Variants in RIMKLB observed in about 807,000 individuals in gnomAD.
RIMKLB encodes ribosomal modification protein rimK like family member B, also known as beta-citrylglutamate synthase B.
Under a neutral mutation model 32.0 loss-of-function variants are expected in RIMKLB, and 7 were observed. The observed-to-expected ratio is 0.22, with a 90% confidence interval of 0.12 to 0.41. The LOEUF is 0.41. RIMKLB is among the 10% of genes least tolerant of loss of function. The probability of loss-of-function intolerance (pLI) is 1.00; values close to 1 mark genes in which losing one functional copy is unlikely to be tolerated. For synonymous variants in RIMKLB, 172 were observed against 185.1 expected, an observed-to-expected ratio of 0.93 and a Z score of 0.57; for missense variants, 289 against 498.7, an observed-to-expected ratio of 0.58 and a Z score of 4.00.
intron 1 of RIMKLB, among the ~76,000 whole-genome samples, chr12:8,705,349 C>T (rs980652043): frequency 2.0e-5 from 3 of 151,820 alleles, no homozygotes; most frequent in Admixed American, 6.6e-5. Flanking sequence ...TGGTGGCACA[C>T]GCCTGTAGTC....
At chr12:8,722,706 T>C (rs1410617132) in intron 2 of RIMKLB, among the ~76,000 whole-genome samples, 2 of 152,222 alleles carry the variant, frequency 1.3e-5, no homozygotes, top group African/African-American at 4.8e-5. Flanking sequence ...GAAAATCCAT[T>C]GTATAGTGCG....
downstream of RIMKLB, among the ~76,000 whole-genome samples, chr12:8,778,590 C>T (rs1268239621): frequency 2.6e-5 from 4 of 152,164 alleles, no homozygotes; most frequent in Non-Finnish European, 5.9e-5. Flanking sequence ...GACTACAACT[C>T]GTCCATTTTA....
At chr12:8,671,869 G>T in the RIMKLB span, among the ~76,000 whole-genome samples, 1 of 152,074 alleles carries the variant, frequency 6.6e-6, no homozygotes, top group Non-Finnish European at 1.5e-5. Flanking sequence ...CTGAGATTGC[G>T]CCATTGCACT....
the RIMKLB span, among the ~76,000 whole-genome samples, chr12:8,674,663 C>T: frequency 4.6e-3 from 696 of 151,726 alleles, 1 homozygote; most frequent in Non-Finnish European, 5.8e-3. Context: ...AATTCTCCTG[C>T]CTGAGCCTCC....
chr12:8,709,058 C>T (rs1321144259), intron 1 of RIMKLB, among the ~76,000 whole-genome samples: 1 of 152,168 alleles, frequency 6.6e-6, no homozygotes. Flanking sequence ...CTCATCTATA[C>T]TATATGTGGA....
chr12:8,770,796 A>C (rs1950338582), intron 5 of RIMKLB, among the ~76,000 whole-genome samples: 1 of 152,124 alleles, frequency 6.6e-6, no homozygotes, highest in South Asian at 2.1e-4. Context: ...GAATATCCCC[A>C]ACTTCCCACC....
chr12:8,699,849 G>A (rs896274759), intron 1 of RIMKLB: 1 of 152,384 alleles, frequency 6.6e-6, no homozygotes, highest in African/African-American at 2.4e-5. Flanking sequence ...CCAAGAAGGG[G>A]AACAGCAAAT....
chr12:8,748,434 A>G (rs968936943), intron 2 of RIMKLB, among the ~76,000 whole-genome samples: 5 of 151,880 alleles, frequency 3.3e-5, no homozygotes, highest in African/African-American at 2.4e-5. Context: ...AACAGTATAT[A>G]TAGTTCTTAC....
chr12:8,733,232 C>G (rs1001016487), intron 2 of RIMKLB, among the ~76,000 whole-genome samples: 6 of 149,974 alleles, frequency 4.0e-5, no homozygotes, highest in African/African-American at 1.5e-4. Context: ...AAGAATTATT[C>G]TGTTCAGAAA....
At chr12:8,756,616 GA>G (rs1412413961) in intron 5 of RIMKLB, among the ~76,000 whole-genome samples, 4 of 149,568 alleles carry the variant, frequency 2.7e-5, no homozygotes, top group Non-Finnish European at 5.9e-5. Flanking sequence ...GGCTTATTCA[GA>G]ATACATGATA....
chr12:8,768,908 A>G (rs945022458), intron 5 of RIMKLB, among the ~76,000 whole-genome samples: 17 of 152,158 alleles, frequency 1.1e-4, no homozygotes, highest in South Asian at 2.1e-4. Context: ...TATTCTTGTC[A>G]AAATAGCTTT....
chr12:8,726,813 C>CT (rs1341591649), intron 2 of RIMKLB, among the ~76,000 whole-genome samples: 1 of 152,124 alleles, frequency 6.6e-6, no homozygotes, highest in African/African-American at 2.4e-5. Flanking sequence ...GTTTACAGTG[C>CT]TGTTGATATG....
chr12:8,689,316 T>G (rs1427203005), intron 1 of RIMKLB, among the ~76,000 whole-genome samples: 2 of 152,240 alleles, frequency 1.3e-5, no homozygotes, highest in African/African-American at 4.8e-5. Flanking sequence ...GCATAACTTT[T>G]AGACTGAATG....
At chr12:8,702,297 T>G (rs1305954202) in intron 1 of RIMKLB, among the ~76,000 whole-genome samples, 1 of 152,158 alleles carries the variant, frequency 6.6e-6, no homozygotes, top group Non-Finnish European at 1.5e-5. Flanking sequence ...TCTGAAGGAG[T>G]CTACTGGATT....
rs760606762 is a variant in RIMKLB, at chr12:8,747,410, C to T, written c.176-2452C>T. On this transcript the variant is annotated intron_variant, in intron 2 of 5. Coordinates refer to ENST00000535829, the MANE Select transcript of RIMKLB (RefSeq NM_001297776.2). ...TCTCTCTTTTTTTTAAACACACACA[C>T]CCCCGGCTCATGGTTTATGCCTTAA... Among the ~76,000 whole-genome samples the T allele has an allele frequency of 2.6e-5, 4 of 152,194 alleles. No individual in the cohort carries two copies. In the South Asian group the frequency reaches 6.2e-4, roughly 24 times the overall value.
At chr12:8,682,508 C>T (rs1404470984) in intron 1 of RIMKLB, among the ~76,000 whole-genome samples, 2 of 152,078 alleles carry the variant, frequency 1.3e-5, no homozygotes, top group Admixed American at 1.3e-4. Context: ...TGCGGTGGCT[C>T]ACGCCTGTAA....
At chr12:8,759,579 T>C (rs1591945685) in intron 5 of RIMKLB, among the ~76,000 whole-genome samples, 1 of 152,224 alleles carries the variant, frequency 6.6e-6, no homozygotes, top group South Asian at 2.1e-4. Flanking sequence ...TACTTGTGTA[T>C]GTATTGCTCT....
At chr12:8,736,957 A>G (rs1290287194) in intron 2 of RIMKLB, among the ~76,000 whole-genome samples, 2 of 151,952 alleles carry the variant, frequency 1.3e-5, no homozygotes, top group South Asian at 2.1e-4. Context: ...GATTACAGGC[A>G]TGTGCCACCA....
At chr12:8,715,228 C>CCTTTTTT (rs1445737752) in intron 2 of RIMKLB, among the ~76,000 whole-genome samples, 6 of 123,758 alleles carry the variant, frequency 4.8e-5, no homozygotes, top group African/African-American at 1.7e-4. Flanking sequence ...TGCTCTTGTT[C>CCTTTTTT]TTTTTTTTTT....
Sources: allele counts gnomAD v4.1 joint callset (sites outside exome capture counted in the v4.1 genomes callset), GRCh38; gene constraint gnomAD v4.1.1; transcripts MANE v1.5; gene names NCBI Gene and HGNC (gene_info 2026-07-23, HGNC 2026-07-21).